Variants in MCOLN1 observed in about 807,000 individuals in gnomAD.
MCOLN1 encodes the protein mucolipin TRP cation channel 1.
Under a neutral mutation model 70.3 loss-of-function variants are expected in MCOLN1, and 50 were observed. The ratio of observed to expected loss-of-function variants is 0.71; its 90% CI spans 0.57 to 0.90. MCOLN1 has a LOEUF of 0.90. MCOLN1 is among the 40% of genes least tolerant of loss of function. The pLI, the probability that MCOLN1 is intolerant of heterozygous loss-of-function variation, is 0.00. For synonymous variants in MCOLN1, 366 were observed against 341.0 expected (o/e 1.07, Z -0.81); for missense variants, 598 against 803.5 (o/e 0.74, Z 3.09).
In MCOLN1 at chr19:7,528,500, G is replaced by A. The variant is rs142591956; in HGVS notation, c.878-97G>A. Reference sequence around the variant, plus strand: ...GCCCACTGACCAACCAAAACCAGCCGTGCAGCCCCCTAGGTCTCCAGCCTG... The same window carrying A: ...GCCCACTGACCAACCAAAACCAGCCATGCAGCCCCCTAGGTCTCCAGCCTG... On this transcript the variant is annotated intron_variant, in intron 7 of 13. Coordinates refer to ENST00000264079, the MANE Select transcript of MCOLN1 (RefSeq NM_020533.3). The surrounding 1 kb of genome is among the most constrained non-coding windows in gnomAD (Gnocchi z 4.2). 3.4e-5 allele frequency: 52 copies of A among 1,521,638 alleles called. No homozygotes were observed. Among genetic ancestry groups the A allele is most frequent in the Middle Eastern group, 4.5e-4 (2 of 4,404 alleles). The allele number at this position is 1,521,638 out of a possible 1,614,324, so 94.3% of individuals were successfully genotyped here. A position where few individuals can be genotyped will look rare whatever the true frequency, so the allele number is the denominator to read the frequency against.
At position 7,522,744 on chromosome 19, in the gene MCOLN1, C is replaced by T. The variant is rs1396067081; in HGVS notation, c.-7C>T. ...TACCCGCCTGCGTCCCGCGCTCCCGCCCCAGCATGACAGCCCCGGCGGGTC... is the reference window on the plus strand; with the variant it reads ...TACCCGCCTGCGTCCCGCGCTCCCGTCCCAGCATGACAGCCCCGGCGGGTC... On this transcript the variant is annotated 5_prime_UTR_variant, in exon 1 of 14. Transcript: ENST00000264079. The T allele has an allele frequency of 9.6e-6, 14 of 1,451,002 alleles. No homozygotes were observed. The highest frequency in any genetic ancestry group is 2.5e-5 in the Admixed American group (1 of 40,408). 89.9% of individuals were successfully genotyped at this position (1,451,002 alleles called of 1,614,324 possible).
In MCOLN1 at chr19:7,528,148, G is replaced by A; in HGVS notation, c.778-10G>A. 1 of 1,613,874 alleles carries A rather than the reference G, an allele frequency of 6.2e-7. No individual in the cohort carries two copies. Among genetic ancestry groups the A allele is most frequent in the Middle Eastern group, 1.6e-4 (1 of 6,062 alleles). The stretch of plus-strand genomic sequence containing the variant: ...CCAAGGTTTACTCTGCCCCCAACTG[G>A]CCCCCACAGATCACGTTTGACAACA... On this transcript the variant is annotated splice_polypyrimidine_tract_variant and intron_variant, in intron 6 of 13. Transcript: ENST00000264079. The surrounding 1 kb of genome is among the most constrained non-coding windows in gnomAD (Gnocchi z 4.2).
At position 7,524,507 on chromosome 19, in the gene MCOLN1, G is replaced by C. The variant is rs644053; in HGVS notation, c.32-454G>C. 0.63 allele frequency among the ~76,000 whole-genome samples: 95,155 copies of C among 151,906 alleles called. 30,037 individuals carry two copies. Among genetic ancestry groups the C allele is most frequent in the Admixed American group, 0.7 (10,730 of 15,272 alleles). ...GCTGGAGTTGGGATAAGCCCAGCAG[G>C]CTTGAACGCCCAGTGAAAAGCCAGT... is the stretch of plus-strand genomic sequence containing the variant. On this transcript the variant is annotated intron_variant, in intron 1 of 13. Transcript: ENST00000264079. The surrounding 1 kb of genome is among the most constrained non-coding windows in gnomAD (Gnocchi z 4.1).
rs1340646238 is a variant in MCOLN1 at position 7,522,848 on chromosome 19, C to T, written c.31+67C>T. 3.2e-6 allele frequency: 4 copies of T among 1,250,832 alleles called. No individual in the cohort carries two copies. The African/African-American group carries it at 4.7e-5, about 15-fold the overall frequency. 77.5% of individuals were successfully genotyped at this position (1,250,832 alleles called of 1,614,324 possible). ...GGCGGGCTGTGTCTCCCACCTGGGG[C>T]GGCGGAGCTCCTAGTCTCTTTTTTT... is the stretch of plus-strand genomic sequence containing the variant. On this transcript the variant is annotated intron_variant, in intron 1 of 13. Transcript: ENST00000264079.
intron 10 of MCOLN1, 95 bp from the exon 11 acceptor site, chr19:7,529,495 G>A (rs2022622848): frequency 3.0e-6 from 4 of 1,350,118 alleles, no homozygotes; most frequent in Admixed American, 3.9e-5. Context: ...CTGTGCCCTC[G>A]GCAAGGCCCC....
rs933866425 is a variant in MCOLN1 at position 7,528,382 on chromosome 19, A to C, written c.877+125A>C. The C allele has an allele frequency of 1.9e-6, 2 of 1,031,038 alleles. No homozygotes were observed. Among genetic ancestry groups the C allele is most frequent in the African/African-American group, 3.2e-5 (2 of 62,800 alleles). The allele number at this position is 1,031,038 out of a possible 1,614,324, so 63.9% of individuals were successfully genotyped here. ...CCAGGAATCCGCTGAGCCTCAGATC[A>C]GCACAGACCAGGGACCCCGTCCTGT... On this transcript the variant is annotated intron_variant, in intron 7 of 13. Coordinates refer to ENST00000264079, the MANE Select transcript of MCOLN1 (RefSeq NM_020533.3). The surrounding 1 kb of genome is among the most constrained non-coding windows in gnomAD (Gnocchi z 4.2).
intron 10 of MCOLN1, 85 bp from the exon 11 acceptor site, chr19:7,529,505 C>CCCCCCCCCCCCCCCCCCCAAGGGGG: frequency 1.3e-6 from 1 of 755,742 alleles, no homozygotes. Flanking sequence ...GGCAAGGCCC[C>CCCCCCCCCCCCCCCCCCCAAGGGGG]GCCCCTCCCA....
At chr19:7,533,704 A>T in intron 13 of MCOLN1, 51 bp downstream of exon 13, 1 of 1,614,156 alleles carries the variant, frequency 6.2e-7, no homozygotes, top group Non-Finnish European at 8.5e-7. Context: ...GGAATGGGGA[A>T]AGGGGAGCGA....
In MCOLN1 at chr19:7,522,795, C is replaced by A; in HGVS notation, c.31+14C>A. 7.5e-7 allele frequency: 1 copy of A among 1,332,850 alleles called. No individual in the cohort carries two copies. The highest frequency in any genetic ancestry group is 9.6e-7 in the Non-Finnish European group (1 of 1,046,822). The allele number at this position is 1,332,850 out of a possible 1,614,324, so 82.6% of individuals were successfully genotyped here. A position where few individuals can be genotyped will look rare whatever the true frequency, so the allele number is the denominator to read the frequency against. ...CGCGCGGCTCAGGTGAGGGCGCGGG[C>A]GGCACCGTGGGGCCCCGAACTCAGG... is the stretch of plus-strand genomic sequence containing the variant. On this transcript the variant is annotated intron_variant, in intron 1 of 13. Coordinates refer to ENST00000264079, the MANE Select transcript of MCOLN1 (RefSeq NM_020533.3).
At chr19:7,523,177 C>G (rs1381858801) in intron 1 of MCOLN1, among the ~76,000 whole-genome samples, 1 of 152,246 alleles carries the variant, frequency 6.6e-6, no homozygotes, top group Non-Finnish European at 1.5e-5. Flanking sequence ...TTCCAGGGGA[C>G]AAATGCTCAG....
chr19:7,533,625 G>A lies in MCOLN1; in HGVS notation c.1678G>A (p.Ala560Thr). Residue 560 changes from alanine to threonine, a missense_variant, in exon 13 of 14, where the codon GCC becomes ACC. Physicochemically the swap from Ala to Thr is moderately conservative, Grantham distance 58. Transcript: ENST00000264079. ...SGKFRRGSGS[A>T]CSLLCCCGRD... is the part of the protein sequence containing the mutation. ...CAAGTTCCGCCGCGGGAGCGGCTCGGCCTGCAGCCTTCTCTGCTGCTGCGG... is the reference window on the plus strand; with the variant it reads ...CAAGTTCCGCCGCGGGAGCGGCTCGACCTGCAGCCTTCTCTGCTGCTGCGG... 6.2e-7 allele frequency: 1 copy of A among 1,612,444 alleles called. No homozygotes were observed. Among genetic ancestry groups the A allele is most frequent in the Non-Finnish European group, 8.5e-7 (1 of 1,179,714 alleles).
At chr19:7,531,777 C>T (rs975339789) in intron 12 of MCOLN1, among the ~76,000 whole-genome samples, 17 of 151,864 alleles carry the variant, frequency 1.1e-4, no homozygotes, top group Admixed American at 7.2e-4. Flanking sequence ...AAGCGATTCT[C>T]CTGCCTCAGC....
chr19:7,532,118 C>T (rs747713009), intron 12 of MCOLN1, among the ~76,000 whole-genome samples: 8 of 152,176 alleles, frequency 5.3e-5, no homozygotes, highest in Admixed American at 6.5e-5. Flanking sequence ...GAGCAGGATG[C>T]GGAAGTGGCA....
Position 7,526,941 on chromosome 19 carries a change from C to G in MCOLN1, c.571+15C>G. 2 of 1,613,912 alleles carry G rather than the reference C, an allele frequency of 1.2e-6. No homozygotes were observed. Among genetic ancestry groups the G allele is most frequent in the Non-Finnish European group, 1.7e-6 (2 of 1,179,994 alleles). On this transcript the variant is annotated intron_variant, in intron 4 of 13. Coordinates refer to ENST00000264079, the MANE Select transcript of MCOLN1 (RefSeq NM_020533.3). This position sits in a 1 kb window ranked among gnomAD's most constrained non-coding sequence, Gnocchi z 4.6. Reference sequence around the variant, plus strand: ...GGTGGTTACTGGTGAGTGGGCAGGACGAGGCTTCACTGTTGGGAGCCTGAG... The same window carrying G: ...GGTGGTTACTGGTGAGTGGGCAGGAGGAGGCTTCACTGTTGGGAGCCTGAG...
rs150079471 is a variant in MCOLN1, at chr19:7,532,572, G to A, written c.1576-951G>A. Among the ~76,000 whole-genome samples, 847 of 152,048 alleles carry A rather than the reference G, an allele frequency of 5.6e-3. 8 individuals carry two copies. Among genetic ancestry groups the A allele is most frequent in the African/African-American group, 0.019 (805 of 41,464 alleles). On this transcript the variant is annotated intron_variant, in intron 12 of 13. Transcript: ENST00000264079. ...TCTACTAAAAATACAAAAAATTAGC[G>A]GACGTGGTGGCAGGCACCTGTAATC...
chr19:7,527,664 G>A (rs370288989), intron 5 of MCOLN1, 36 bp downstream of exon 5: 4 of 1,452,516 alleles, frequency 2.8e-6, no homozygotes, highest in African/African-American at 2.8e-5. Context: ...CCCAGGGTGG[G>A]GGAGGCAGCA....
At chr19:7,527,796 G>A (rs1376168713) in intron 5 of MCOLN1, 68 bp from the exon 6 acceptor site, 1 of 1,327,614 alleles carries the variant, frequency 7.5e-7, no homozygotes, top group South Asian at 1.2e-5. Flanking sequence ...CGTGGCAGGG[G>A]ACGCTGGCAC....
chr19:7,533,861 A>G lies in MCOLN1; in HGVS notation c.*66A>G. 6.3e-7 allele frequency: 1 copy of G among 1,589,356 alleles called. No individual in the cohort carries two copies. The highest frequency in any genetic ancestry group is 8.6e-7 in the Non-Finnish European group (1 of 1,160,458). On this transcript the variant is annotated 3_prime_UTR_variant, in exon 14 of 14. Coordinates refer to ENST00000264079, the MANE Select transcript of MCOLN1 (RefSeq NM_020533.3). ...GAGACCCCCGCCCCCGACCCCGCTT[A>G]TTTATTTGTAGGGTTTGCTTTTAAG...
chr19:7,532,942 T>C (rs1243025296), intron 12 of MCOLN1, among the ~76,000 whole-genome samples: 2 of 152,140 alleles, frequency 1.3e-5, no homozygotes, highest in Non-Finnish European at 2.9e-5. Flanking sequence ...AAAGGTCTAG[T>C]AGCCTGAAAA....
Sources: allele counts gnomAD v4.1 joint callset (sites outside exome capture counted in the v4.1 genomes callset), GRCh38; gene constraint gnomAD v4.1.1; non-coding constraint Gnocchi (gnomAD v3.1); transcripts MANE v1.5; gene names NCBI Gene and HGNC (gene_info 2026-07-23, HGNC 2026-07-21).